The following HORMAD1 variants were observed in gnomAD, a reference collection of about 807,000 sequenced individuals.
HORMAD1 encodes the protein HORMA domain-containing protein 1.
A neutral mutation model predicts 58.2 loss-of-function variants in HORMAD1; 33 were observed. That is an observed-to-expected ratio of 0.57 (90% confidence interval 0.43 to 0.76). The LOEUF (loss-of-function observed/expected upper bound fraction) is 0.76, where lower values mean the gene tolerates loss of function less well. Among genes scored for constraint, HORMAD1 ranks in the 30% least tolerant of loss-of-function variants. The pLI, the probability that HORMAD1 is intolerant of heterozygous loss-of-function variation, is 0.00. For missense variants in HORMAD1, 363 were observed against 462.0 expected, an observed-to-expected ratio of 0.79 and a Z score of 1.96; for synonymous variants, 137 against 144.6, an observed-to-expected ratio of 0.95 and a Z score of 0.38.
intron 5 of HORMAD1, among the ~76,000 whole-genome samples, chr1:150,712,605 G>C (rs373686727): frequency 1.3e-5 from 2 of 152,282 alleles, no homozygotes; most frequent in South Asian, 4.2e-4. Flanking sequence ...CTGGAGTACA[G>C]TGGCATGATC....
At position 150,714,117 on chromosome 1, in the gene HORMAD1, G is replaced by T; in HGVS notation, c.247C>A (p.Leu83Ile). The change falls in exon 5 of 15, where the codon CTA becomes ATA. Residue 83 changes from leucine to isoleucine, a missense_variant. This residue lies in a region of HORMAD1 where 128 missense variants were observed against 171.8 expected (regional missense o/e 0.74). Transcript: ENST00000361824. Reference sequence around the variant, plus strand: ...TTCTGTAAAGCATCATAACATCCTAGCATCCTAAAAAAAAAATCAAGGATT... The same window carrying T: ...TTCTGTAAAGCATCATAACATCCTATCATCCTAAAAAAAAAATCAAGGATT... The part of the protein sequence containing the change: ...PGSTQLVKWM[L>I]GCYDALQKKY... 1 of 1,519,188 alleles carries T rather than the reference G, an allele frequency of 6.6e-7. No homozygotes were observed. The highest frequency in any genetic ancestry group is 1.7e-4 in the Middle Eastern group (1 of 5,840). The allele number at this position is 1,519,188 out of a possible 1,614,324, so 94.1% of individuals were successfully genotyped here.
At chr1:150,712,997 T>C (rs1259719215) in intron 5 of HORMAD1, among the ~76,000 whole-genome samples, 1 of 152,184 alleles carries the variant, frequency 6.6e-6, no homozygotes, top group Non-Finnish European at 1.5e-5. Flanking sequence ...CACTGGACAA[T>C]TGCCCTCAGT....
chr1:150,706,591 C>A lies in HORMAD1; in HGVS notation c.766G>T (p.Asp256Tyr). The change falls in exon 10 of 15, where the codon GAC becomes TAC. Residue 256 changes from aspartate to tyrosine, a missense_variant. Physicochemically the swap from Asp to Tyr is radical, Grantham distance 160. Transcript: ENST00000361824. ...IKTPFQKILR[D>Y]KDVEDEQEHY... is the part of the protein sequence containing the mutation. Reference sequence around the variant, plus strand: ...TCCTGTTCATCTTCTACATCTTTGTCCCTCAGGATTTTTTGAAATGGTGTT... The same window carrying A: ...TCCTGTTCATCTTCTACATCTTTGTACCTCAGGATTTTTTGAAATGGTGTT... The A allele has an allele frequency of 6.2e-7, 1 of 1,610,624 alleles. No individual in the cohort carries two copies. Among genetic ancestry groups the A allele is most frequent in the Non-Finnish European group, 8.5e-7 (1 of 1,177,534 alleles).
chr1:150,719,631 G>T (rs1652183269), intron 1 of HORMAD1, 93 bp from the exon 2 acceptor site: 3 of 555,186 alleles, frequency 5.4e-6, no homozygotes, highest in Middle Eastern at 3.6e-4. Flanking sequence ...AATTTTATGT[G>T]AATAAATTTG....
intron 1 of HORMAD1, 77 bp from the exon 2 acceptor site, chr1:150,719,615 C>A (rs1652182724): frequency 3.1e-6 from 2 of 640,162 alleles, no homozygotes; most frequent in African/African-American, 1.9e-5. Flanking sequence ...ATATAAAATT[C>A]AAAACAATTT....
Position 150,703,363 on chromosome 1 carries a change from G to A in HORMAD1, c.979C>T (p.Leu327Phe). 6.3e-7 allele frequency: 1 copy of A among 1,576,868 alleles called. No homozygotes were observed. Among genetic ancestry groups the A allele is most frequent in the Non-Finnish European group, 8.7e-7 (1 of 1,155,060 alleles). Residue 327 changes from leucine (L) to phenylalanine (F), a missense_variant, in exon 13 of 15, where the codon CTT becomes TTT. Physicochemically the swap from Leu to Phe is conservative, Grantham distance 22. Transcript: ENST00000361824. The part of the protein sequence containing the change: ...VEQLVNKTSE[L>F]DMSESKTRSG... ...CTTGTTTTGCTTTCAGACATATCAA[G>A]TTCAGATGTTTTATTGACTAACTGC...
At chr1:150,712,103 T>G (rs1209786178) in intron 5 of HORMAD1, among the ~76,000 whole-genome samples, 2 of 152,124 alleles carry the variant, frequency 1.3e-5, no homozygotes, top group African/African-American at 2.4e-5. Context: ...TTCATTGACT[T>G]AAGCAAAAAG....
At chr1:150,718,437 G>C (rs759017205) in intron 2 of HORMAD1, among the ~76,000 whole-genome samples, 7 of 147,842 alleles carry the variant, frequency 4.7e-5, no homozygotes, top group African/African-American at 5.0e-5. Context: ...TCTCACCTCA[G>C]CCTCAGCTCA....
At position 150,719,520 on chromosome 1, in the gene HORMAD1, G is replaced by A. The variant is rs1445705399; in HGVS notation, c.-15C>T. ...GCAGTGGCCATCTTCTTCTGATAAA[G>A]TATTTTCTTTAATTCAACCTTGTGA... On this transcript the variant is annotated 5_prime_UTR_variant, in exon 2 of 15. Coordinates refer to ENST00000361824, the MANE Select transcript of HORMAD1 (RefSeq NM_032132.5). 15 of 1,569,812 alleles carry A rather than the reference G, an allele frequency of 9.6e-6. No individual in the cohort carries two copies. The highest frequency in any genetic ancestry group is 1.3e-5 in the Non-Finnish European group (15 of 1,155,640).
intron 10 of HORMAD1, among the ~76,000 whole-genome samples, chr1:150,705,687 A>T (rs1651669945): frequency 6.6e-6 from 1 of 152,212 alleles, no homozygotes; most frequent in African/African-American, 2.4e-5. Flanking sequence ...AAAGAATGCT[A>T]CAAACACCTC....
chr1:150,717,852 C>A (rs1557801493), intron 2 of HORMAD1, among the ~76,000 whole-genome samples: 1 of 152,060 alleles, frequency 6.6e-6, no homozygotes, highest in Non-Finnish European at 1.5e-5. Flanking sequence ...GAGGCTGAGG[C>A]AGGGAATTGC....
At chr1:150,703,184 TA>T (rs942976524) in intron 13 of HORMAD1, 125 bp downstream of exon 13, 2 of 618,684 alleles carry the variant, frequency 3.2e-6, no homozygotes, top group African/African-American at 3.8e-5. Flanking sequence ...AAGCACCTAG[TA>T]AAGTACCTGA....
chr1:150,714,069 A>G lies in HORMAD1; in HGVS notation c.279+16T>C. 1 of 1,446,272 alleles carries G rather than the reference A, an allele frequency of 6.9e-7. No homozygotes were observed. The highest frequency in any genetic ancestry group is 9.6e-7 in the Non-Finnish European group (1 of 1,042,090). 89.6% of individuals were successfully genotyped at this position (1,446,272 alleles called of 1,614,324 possible). ...AAACTGTAGAAAAAAAAGGATAAAG[A>G]GATTGCAAGACTTACATATTTTTTC... On this transcript the variant is annotated intron_variant, in intron 5 of 14. Coordinates refer to ENST00000361824, the MANE Select transcript of HORMAD1 (RefSeq NM_032132.5).
At chr1:150,699,293 T>C (rs1374221966) in intron 14 of HORMAD1, among the ~76,000 whole-genome samples, 2 of 152,152 alleles carry the variant, frequency 1.3e-5, no homozygotes, top group Admixed American at 6.5e-5. Context: ...ATGAAACAAC[T>C]ATAGGGTTTA....
At chr1:150,716,911 G>A (rs936305933) in intron 3 of HORMAD1, among the ~76,000 whole-genome samples, 2 of 144,664 alleles carry the variant, frequency 1.4e-5, no homozygotes, top group East Asian at 2.0e-4. Flanking sequence ...TGCAGTGAGC[G>A]GAGATGGCAC....
Position 150,698,510 on chromosome 1 carries a change from A to C in HORMAD1, c.*144T>G. The C allele has an allele frequency of 2.3e-6, 1 of 443,170 alleles. No homozygotes were observed. The highest frequency in any genetic ancestry group is 4.1e-6 in the Non-Finnish European group (1 of 244,952). The allele number at this position is 443,170 out of a possible 1,614,324, so 27.5% of individuals were successfully genotyped here. ...TTATCTCAAGATTAAGGACCACAATATGACAGTCAGCCAAAAACTTAGTTT... is the reference window on the plus strand; with the variant it reads ...TTATCTCAAGATTAAGGACCACAATCTGACAGTCAGCCAAAAACTTAGTTT... On this transcript the variant is annotated 3_prime_UTR_variant, in exon 15 of 15. Transcript: ENST00000361824.
Position 150,698,546 on chromosome 1 carries a change from A to G in HORMAD1, c.*108T>C. On this transcript the variant is annotated 3_prime_UTR_variant, in exon 15 of 15. Coordinates refer to ENST00000361824, the MANE Select transcript of HORMAD1 (RefSeq NM_032132.5). ...CCAAAAACTTAGTTTTAGTGTACAA[A>G]CTGCTTTAAACTACATATACATCTT... 1 of 507,918 alleles carries G rather than the reference A, an allele frequency of 2.0e-6. No homozygotes were observed. Among genetic ancestry groups the G allele is most frequent in the South Asian group, 4.4e-5 (1 of 22,722 alleles). The allele number at this position is 507,918 out of a possible 1,614,324, so 31.5% of individuals were successfully genotyped here. A position where few individuals can be genotyped will look rare whatever the true frequency, so the allele number is the denominator to read the frequency against.
At chr1:150,709,617 C>T (rs1651801003) in intron 7 of HORMAD1, among the ~76,000 whole-genome samples, 1 of 151,774 alleles carries the variant, frequency 6.6e-6, no homozygotes, top group East Asian at 1.9e-4. Context: ...ACCTGACCGT[C>T]CCCCAGCCCG....
At chr1:150,701,283 G>A (rs1290288074) in intron 13 of HORMAD1, among the ~76,000 whole-genome samples, 3 of 152,118 alleles carry the variant, frequency 2.0e-5, no homozygotes, top group Admixed American at 6.5e-5. Context: ...AAACTGGCTA[G>A]GATGAACATT....
Sources: allele counts gnomAD v4.1 joint callset (sites outside exome capture counted in the v4.1 genomes callset), GRCh38; gene constraint gnomAD v4.1.1; regional missense constraint gnomAD v4.1.1; transcripts MANE v1.5; gene names NCBI Gene and HGNC (gene_info 2026-07-23, HGNC 2026-07-21).